The following SLC4A10 variants were observed in gnomAD, a reference collection of about 807,000 sequenced individuals.
SLC4A10 encodes solute carrier family 4 member 10.
A neutral mutation model predicts 137.7 loss-of-function variants in SLC4A10; 42 were observed. The observed-to-expected ratio is 0.30, with a 90% CI of 0.24 to 0.39. The LOEUF is 0.39. Ranked by LOEUF, SLC4A10 falls within the 10% of genes least tolerant of loss-of-function variation. SLC4A10 has a pLI of 1.00. For missense variants in SLC4A10, 925 were observed against 1,355.0 expected, an observed-to-expected ratio of 0.68 and a Z score of 4.98; for synonymous variants, 474 against 464.1, an observed-to-expected ratio of 1.02 and a Z score of -0.27.
Position 161,740,349 on chromosome 2 carries a change from T to A in SLC4A10, c.49-30624T>A, listed in dbSNP as rs200130960. 9.2e-5 allele frequency among the ~76,000 whole-genome samples: 14 copies of A among 152,266 alleles called. No individual in the cohort carries two copies. In the East Asian group the frequency reaches 2.7e-3, roughly 29 times the overall value. Reference sequence around the variant, plus strand: ...CTAGCTCCCTGCTTGTATCACTTCCTTGCATTCCCAGGTAGCATGAACCTA... The same window carrying A: ...CTAGCTCCCTGCTTGTATCACTTCCATGCATTCCCAGGTAGCATGAACCTA... On this transcript the variant is annotated intron_variant, in intron 1 of 26. Coordinates refer to ENST00000446997, the MANE Select transcript of SLC4A10 (RefSeq NM_001178015.2).
chr2:161,844,530 G>T (rs535369940), intron 4 of SLC4A10, among the ~76,000 whole-genome samples: 21 of 151,928 alleles, frequency 1.4e-4, no homozygotes, highest in Non-Finnish European at 2.9e-4. Flanking sequence ...TTATTTCCCC[G>T]AAGGCTATAA....
At chr2:161,782,962 G>A (rs1269565482) in intron 2 of SLC4A10, among the ~76,000 whole-genome samples, 3 of 151,540 alleles carry the variant, frequency 2.0e-5, no homozygotes, top group African/African-American at 7.3e-5. Context: ...AAACTCCCAA[G>A]TATGGAAAAG....
At chr2:161,808,767 A>G (rs1048684567) in intron 3 of SLC4A10, among the ~76,000 whole-genome samples, 14 of 152,156 alleles carry the variant, frequency 9.2e-5, no homozygotes, top group African/African-American at 3.4e-4. Context: ...TTATGGCCAC[A>G]TAGTATTCCA....
chr2:161,734,447 T>G (rs982839221), intron 1 of SLC4A10, among the ~76,000 whole-genome samples: 12 of 152,164 alleles, frequency 7.9e-5, no homozygotes, highest in Non-Finnish European at 1.6e-4. Flanking sequence ...GCCTTTTACT[T>G]CTTACCATGC....
intron 19 of SLC4A10, among the ~76,000 whole-genome samples, chr2:161,951,744 C>A (rs913225772): frequency 2.0e-5 from 3 of 151,988 alleles, no homozygotes; most frequent in African/African-American, 7.2e-5. Context: ...TGAAAAATAT[C>A]TCTGATTAAA....
Position 161,859,628 on chromosome 2 carries a change from T to C in SLC4A10, c.578-3246T>C, listed in dbSNP as rs188527347. Reference sequence around the variant, plus strand: ...TTTTTTTTTTTTTTTTGAGGCGGAGTCTTGCTTTGTCTCCCAGGCTGGAGT... The same window carrying C: ...TTTTTTTTTTTTTTTTGAGGCGGAGCCTTGCTTTGTCTCCCAGGCTGGAGT... On this transcript the variant is annotated intron_variant, in intron 5 of 26. Coordinates refer to ENST00000446997, the MANE Select transcript of SLC4A10 (RefSeq NM_001178015.2). Among the ~76,000 whole-genome samples the C allele has an allele frequency of 2.1e-3, 242 of 115,208 alleles. 4 individuals carry two copies. In the East Asian group the frequency reaches 0.053, roughly 25 times the overall value. 75.6% of individuals were successfully genotyped at this position (115,208 alleles called of 152,430 possible).
At chr2:161,967,771 A>G (rs997276078) in intron 23 of SLC4A10, among the ~76,000 whole-genome samples, 2 of 152,206 alleles carry the variant, frequency 1.3e-5, no homozygotes, top group Non-Finnish European at 2.9e-5. Flanking sequence ...AGATATTGCC[A>G]TAGGAATTTA....
intron 23 of SLC4A10, among the ~76,000 whole-genome samples, chr2:161,972,587 T>A (rs545723347): frequency 6.6e-6 from 1 of 151,916 alleles, no homozygotes; most frequent in Non-Finnish European, 1.5e-5. Flanking sequence ...AAAAGAAAAT[T>A]TTTTCCTTGA....
intron 2 of SLC4A10, among the ~76,000 whole-genome samples, chr2:161,784,772 A>G (rs1363824145): frequency 2.6e-5 from 4 of 151,654 alleles, no homozygotes; most frequent in Non-Finnish European, 4.4e-5. Flanking sequence ...TAAGTTTATA[A>G]TGATAAAAGT....
At chr2:161,953,803 T>C (rs781782332) in intron 19 of SLC4A10, among the ~76,000 whole-genome samples, 2 of 152,152 alleles carry the variant, frequency 1.3e-5, no homozygotes, top group Admixed American at 1.3e-4. Flanking sequence ...TTTGAGAATG[T>C]GAAGTATCAT....
intron 10 of SLC4A10, among the ~76,000 whole-genome samples, chr2:161,884,623 A>T (rs890726996): frequency 6.6e-6 from 1 of 152,154 alleles, no homozygotes; most frequent in African/African-American, 2.4e-5. Flanking sequence ...CTATTTTTTC[A>T]ATTATTTAGA....
chr2:161,723,145 A>G (rs1459565807), intron 1 of SLC4A10, among the ~76,000 whole-genome samples: 1 of 152,120 alleles, frequency 6.6e-6, no homozygotes, highest in African/African-American at 2.4e-5. Context: ...GAGAGTCCTC[A>G]CAGCCCTGTG....
chr2:161,746,555 A>G (rs548319107), intron 1 of SLC4A10, among the ~76,000 whole-genome samples: 1 of 152,164 alleles, frequency 6.6e-6, no homozygotes, highest in South Asian at 2.1e-4. Flanking sequence ...TGGTGACTTT[A>G]GGAGTCAGCT....
intron 6 of SLC4A10, among the ~76,000 whole-genome samples, chr2:161,869,114 AT>A (rs1476266810): frequency 6.6e-6 from 1 of 151,652 alleles, no homozygotes; most frequent in Non-Finnish European, 1.5e-5. Flanking sequence ...ACTTATACTA[AT>A]TTTTTTCCGT....
intron 1 of SLC4A10, among the ~76,000 whole-genome samples, chr2:161,744,755 G>T (rs565323439): frequency 6.6e-6 from 1 of 152,130 alleles, no homozygotes; most frequent in Non-Finnish European, 1.5e-5. Context: ...CATCCTCCTT[G>T]CTTTTTAACT....
At chr2:161,809,102 C>T (rs933933691) in intron 3 of SLC4A10, among the ~76,000 whole-genome samples, 1 of 152,150 alleles carries the variant, frequency 6.6e-6, no homozygotes, top group Non-Finnish European at 1.5e-5. Flanking sequence ...TTAATGTTCA[C>T]CATTCTGACT....
intron 10 of SLC4A10, among the ~76,000 whole-genome samples, chr2:161,891,968 A>C (rs939840908): frequency 2.6e-5 from 4 of 152,040 alleles, no homozygotes; most frequent in African/African-American, 9.7e-5. Flanking sequence ...GGGTCAGGGA[A>C]GTCTGATATA....
intron 14 of SLC4A10, 48 bp from the exon 15 acceptor site, chr2:161,905,594 C>A: frequency 6.5e-7 from 1 of 1,529,782 alleles, no homozygotes; most frequent in Non-Finnish European, 8.8e-7. Flanking sequence ...TGATAGCAAG[C>A]TGTTAAATGA....
chr2:161,637,136 C>A (rs1475584200), intron 1 of SLC4A10, among the ~76,000 whole-genome samples: 2 of 138,908 alleles, frequency 1.4e-5, no homozygotes, highest in South Asian at 2.2e-4. Context: ...TACATAAATA[C>A]GTATTTATGT....
Sources: allele counts gnomAD v4.1 joint callset (sites outside exome capture counted in the v4.1 genomes callset), GRCh38; gene constraint gnomAD v4.1.1; transcripts MANE v1.5; gene names NCBI Gene and HGNC (gene_info 2026-07-23, HGNC 2026-07-21).